Variants in AJAP1 observed in about 807,000 individuals in gnomAD.
The protein encoded by AJAP1 is adherens junctions associated protein 1.
AJAP1 carries 5 observed loss-of-function variants against 35.0 expected under a neutral mutation model. The observed-to-expected ratio is 0.14, with a 90% confidence interval of 0.07 to 0.30. The LOEUF (loss-of-function observed/expected upper bound fraction) is 0.30, where lower values mean the gene tolerates loss of function less well. Among genes scored for constraint, AJAP1 ranks in the 10% least tolerant of loss-of-function variants. The pLI is 1.00. For synonymous variants in AJAP1, 284 were observed against 249.3 expected, an observed-to-expected ratio of 1.14 and a Z score of -1.31; for missense variants, 586 against 571.0, an observed-to-expected ratio of 1.03 and a Z score of -0.27.
At chr1:4,675,488 C>T (rs1022727013) in intron 1 of AJAP1, among the ~76,000 whole-genome samples, 4 of 152,264 alleles carry the variant, frequency 2.6e-5, no homozygotes, top group Admixed American at 1.3e-4. Context: ...GTGTCCCGAG[C>T]GTTTATTACT....
At chr1:4,662,728 T>C (rs886685314) in intron 1 of AJAP1, among the ~76,000 whole-genome samples, 2 of 152,218 alleles carry the variant, frequency 1.3e-5, no homozygotes, top group African/African-American at 4.8e-5. Context: ...TCCCTCTTGT[T>C]CTAAAGAGAA....
intron 2 of AJAP1, among the ~76,000 whole-genome samples, chr1:4,733,705 C>T (rs1297521130): frequency 6.6e-6 from 1 of 152,050 alleles, no homozygotes; most frequent in Non-Finnish European, 1.5e-5. Context: ...CCTGACCCAT[C>T]TCTGACCTGG....
At chr1:4,719,110 A>T (rs1035675623) in intron 2 of AJAP1, among the ~76,000 whole-genome samples, 1 of 152,172 alleles carries the variant, frequency 6.6e-6, no homozygotes, top group African/African-American at 2.4e-5. Flanking sequence ...CTCACAGGGG[A>T]ATGATTCTGA....
chr1:4,787,322 A>G lies in AJAP1; in HGVS notation c.*4837A>G. Reference sequence around the variant, plus strand: ...AGAGCAGAGTGATGGGGCTGGGGGCAGAGAAGGAGAGAGGGGAAGAGGGAG... The same window carrying G: ...AGAGCAGAGTGATGGGGCTGGGGGCGGAGAAGGAGAGAGGGGAAGAGGGAG... On this transcript the variant is annotated 3_prime_UTR_variant, in exon 6 of 6. Coordinates refer to ENST00000378191, the MANE Select transcript of AJAP1 (RefSeq NM_018836.4). 1 of 211,914 alleles carries G rather than the reference A, an allele frequency of 4.7e-6. No homozygotes were observed. The highest frequency in any genetic ancestry group is 1.6e-3 in the Middle Eastern group (1 of 634). The allele number at this position is 211,914 out of a possible 1,614,324, so 13.1% of individuals were successfully genotyped here.
intron 1 of AJAP1, among the ~76,000 whole-genome samples, chr1:4,681,803 G>A (rs1639489511): frequency 6.6e-6 from 1 of 152,144 alleles, no homozygotes; most frequent in South Asian, 2.1e-4. Flanking sequence ...ATGGGGCACG[G>A]TGGTGAGCTC....
intron 2 of AJAP1, among the ~76,000 whole-genome samples, chr1:4,750,310 A>G (rs565056135): frequency 6.6e-6 from 1 of 152,224 alleles, no homozygotes; most frequent in Non-Finnish European, 1.5e-5. Context: ...AGGTGTGAAC[A>G]TACTTCTCGC....
intron 1 of AJAP1, among the ~76,000 whole-genome samples, chr1:4,706,546 G>T (rs560138423): frequency 6.6e-6 from 1 of 152,314 alleles, no homozygotes; most frequent in South Asian, 2.1e-4. Flanking sequence ...TTGGCCACAG[G>T]CACAGCTCCA....
At chr1:4,726,942 T>TTCCCTCTG (rs1640675868) in intron 2 of AJAP1, among the ~76,000 whole-genome samples, 1 of 152,196 alleles carries the variant, frequency 6.6e-6, no homozygotes, top group African/African-American at 2.4e-5. Context: ...AGGGCCAGGC[T>TTCCCTCTG]TGTCCCCTCT....
chr1:4,716,248 T>G (rs1553157790), intron 2 of AJAP1, among the ~76,000 whole-genome samples: 2 of 152,148 alleles, frequency 1.3e-5, no homozygotes, highest in Non-Finnish European at 2.9e-5. Context: ...AACTGGGAAA[T>G]CTTTTTGAGT....
In AJAP1 at chr1:4,710,828, C is replaced by T. The variant is rs192395324; in HGVS notation, c.30-1072C>T. Among the ~76,000 whole-genome samples the T allele has an allele frequency of 1.2e-3, 179 of 152,336 alleles. 2 individuals carry two copies. Among genetic ancestry groups the T allele is most frequent in the African/African-American group, 4.1e-3 (171 of 41,580 alleles). ...TGAGCCCTTCCACGTGGCTCTCTGC[C>T]GCGCCCTGGTTTTCATGTGACACCA... On this transcript the variant is annotated intron_variant, in intron 1 of 5. Coordinates refer to ENST00000378191, the MANE Select transcript of AJAP1 (RefSeq NM_018836.4).
chr1:4,756,904 A>G (rs539111688), intron 2 of AJAP1, among the ~76,000 whole-genome samples: 120 of 152,116 alleles, frequency 7.9e-4, no homozygotes, highest in African/African-American at 2.7e-3. Context: ...GCCCCCTCCA[A>G]GTGTGGAACC....
At chr1:4,717,292 C>A (rs952629157) in intron 2 of AJAP1, among the ~76,000 whole-genome samples, 2 of 152,200 alleles carry the variant, frequency 1.3e-5, no homozygotes, top group African/African-American at 2.4e-5. Context: ...ATGAAGGTTT[C>A]CTGAACCTTA....
rs142223768 is a variant in AJAP1 at position 4,677,013 on chromosome 1, T to G, written c.29+21559T>G. Among the ~76,000 whole-genome samples, 712 of 152,184 alleles carry G rather than the reference T, an allele frequency of 4.7e-3. 5 individuals are homozygous for G. Among genetic ancestry groups the G allele is most frequent in the African/African-American group, 0.016 (675 of 41,524 alleles). ...CTCTACTAAAAATACAAAAGTTAGCTGGGTGTGGTGGCGTGTGCCTGTAAT... is the reference window on the plus strand; with the variant it reads ...CTCTACTAAAAATACAAAAGTTAGCGGGGTGTGGTGGCGTGTGCCTGTAAT... On this transcript the variant is annotated intron_variant, in intron 1 of 5. Transcript: ENST00000378191.
At chr1:4,774,149 C>T (rs569558768) in intron 4 of AJAP1, among the ~76,000 whole-genome samples, 6 of 152,348 alleles carry the variant, frequency 3.9e-5, no homozygotes, top group South Asian at 2.1e-4. Flanking sequence ...AATGTGGAGA[C>T]GGCACAGCCT....
chr1:4,720,802 G>T lies in AJAP1; in HGVS notation c.829+8103G>T, dbSNP rs536111086. On this transcript the variant is annotated intron_variant, in intron 2 of 5. Transcript: ENST00000378191. The surrounding 1 kb of genome is among the most constrained non-coding windows in gnomAD (Gnocchi z 4.4). Reference sequence around the variant, plus strand: ...AGTATCCTCTTTTGAGGTCAGTTAGGTTGTGTGGCTGCATGCTCGGTGCTA... The same window carrying T: ...AGTATCCTCTTTTGAGGTCAGTTAGTTTGTGTGGCTGCATGCTCGGTGCTA... Among the ~76,000 whole-genome samples the T allele has an allele frequency of 6.6e-6, 1 of 152,288 alleles. No homozygotes were observed. The highest frequency in any genetic ancestry group is 2.4e-5 in the African/African-American group (1 of 41,556).
At chr1:4,756,223 G>T (rs1641429052) in intron 2 of AJAP1, among the ~76,000 whole-genome samples, 1 of 152,136 alleles carries the variant, frequency 6.6e-6, no homozygotes, top group African/African-American at 2.4e-5. Flanking sequence ...CACATCACGG[G>T]CCCCAAAACA....
Position 4,790,214 on chromosome 1 carries a change from ACC to A in AJAP1, c.*7731_*7732del, listed in dbSNP as rs748361814. 1.3e-5 allele frequency: 2 copies of A among 152,192 alleles called. No homozygotes were observed. The highest frequency in any genetic ancestry group is 6.5e-5 in the Admixed American group (1 of 15,282). The allele number at this position is 152,192 out of a possible 1,614,324, so 9.4% of individuals were successfully genotyped here. On this transcript the variant is annotated 3_prime_UTR_variant, in exon 6 of 6. Transcript: ENST00000378191. ...GGCAGCAGCTGCTGCTCCCAGGGGA[ACC>A]CTCTCCTGTTGCCTCCGCAGTCTAT...
intron 5 of AJAP1, among the ~76,000 whole-genome samples, chr1:4,781,014 G>A (rs939629144): frequency 2.0e-5 from 3 of 152,168 alleles, no homozygotes; most frequent in African/African-American, 4.8e-5. Context: ...GTGCAGAGGG[G>A]TCCAGGGAAA....
intron 1 of AJAP1, among the ~76,000 whole-genome samples, chr1:4,657,331 A>G (rs1483198): frequency 0.17 from 25,425 of 151,242 alleles, 2,628 homozygotes; most frequent in East Asian, 0.3. Context: ...AGCACAGGAG[A>G]TTTTCTGTAA....
Sources: gnomAD v4.1 joint callset for allele counts (sites outside exome capture counted in the v4.1 genomes callset) on GRCh38, gnomAD v4.1.1 for gene constraint, Gnocchi (gnomAD v3.1) non-coding constraint, MANE v1.5 for transcripts, NCBI Gene and HGNC (gene_info 2026-07-23, HGNC 2026-07-21) for gene names.